The following KNTC1 variants were observed in gnomAD, a reference collection of about 807,000 sequenced individuals.
KNTC1 encodes the protein kinetochore associated 1, also known as kinetochore-associated protein 1.
A neutral mutation model predicts 314.4 loss-of-function variants in KNTC1; 253 were observed. The observed-to-expected ratio is 0.80, with a 90% CI of 0.73 to 0.89. The LOEUF (loss-of-function observed/expected upper bound fraction) is 0.89. KNTC1 is among the 40% of genes least tolerant of loss of function. KNTC1 has a pLI of 0.00. For missense variants in KNTC1, 2,475 were observed against 2,572.9 expected (o/e 0.96, Z 0.82); for synonymous variants, 901 against 901.4 (o/e 1.00, Z 0.01).
intron 20 of KNTC1, among the ~76,000 whole-genome samples, chr12:122,566,246 C>CT (rs150492240): frequency 1.2e-3 from 171 of 139,186 alleles, no homozygotes; most frequent in South Asian, 3.5e-3. Context: ...CGGCCTAAAT[C>CT]TTTTTTTTTT....
intron 18 of KNTC1, among the ~76,000 whole-genome samples, chr12:122,559,995 C>T (rs1009657811): frequency 6.6e-6 from 1 of 152,176 alleles, no homozygotes; most frequent in Non-Finnish European, 1.5e-5. Context: ...TAAACACAGA[C>T]TTCCCATTTC....
At chr12:122,540,756 A>G (rs370831163) in intron 5 of KNTC1, among the ~76,000 whole-genome samples, 1 of 152,076 alleles carries the variant, frequency 6.6e-6, no homozygotes, top group East Asian at 1.9e-4. Flanking sequence ...TTTCTGGCAC[A>G]TGAAGTTTGT....
chr12:122,611,239 A>C, intron 53 of KNTC1: 3 of 234,996 alleles, frequency 1.3e-5, no homozygotes, highest in South Asian at 7.6e-5. Flanking sequence ...CCAAGGCCTA[A>C]TCTGGCTGCA....
intron 27 of KNTC1, 53 bp from the exon 28 acceptor site, chr12:122,575,490 C>T: frequency 8.3e-7 from 1 of 1,201,094 alleles, no homozygotes; most frequent in Non-Finnish European, 1.2e-6. Context: ...TGTTCACTTG[C>T]ATGCATCGTA....
intron 53 of KNTC1, among the ~76,000 whole-genome samples, chr12:122,612,305 A>G (rs1455002567): frequency 1.3e-5 from 2 of 151,384 alleles, no homozygotes; most frequent in East Asian, 1.9e-4. Context: ...ACCTCAGGTG[A>G]TCCACCCACC....
At chr12:122,598,174 T>C (rs1196638825) in intron 44 of KNTC1, among the ~76,000 whole-genome samples, 1 of 152,186 alleles carries the variant, frequency 6.6e-6, no homozygotes, top group African/African-American at 2.4e-5. Context: ...TTTGAATTTA[T>C]ATGAGCTAGA....
chr12:122,556,607 G>A (rs150682804), intron 16 of KNTC1, among the ~76,000 whole-genome samples: 115 of 151,596 alleles, frequency 7.6e-4, no homozygotes, highest in African/African-American at 2.7e-3. Context: ...CAGGTAGCTG[G>A]GATTACAGGC....
chr12:122,545,657 A>G (rs1012089896), intron 8 of KNTC1, among the ~76,000 whole-genome samples: 4 of 152,170 alleles, frequency 2.6e-5, no homozygotes, highest in African/African-American at 9.7e-5. Context: ...ACGCTCATTA[A>G]ATATTTATGT....
In KNTC1 at chr12:122,584,370, C is replaced by T. The variant is rs370952397; in HGVS notation, c.3356C>T (p.Pro1119Leu). The T allele has an allele frequency of 6.8e-6, 11 of 1,613,612 alleles. No individual in the cohort carries two copies. The highest frequency in any genetic ancestry group is 3.3e-5 in the Admixed American group (2 of 59,992). ...TGTCAGATGTTGGCTGATAATGTCC[C>T]AGTGACAGTGCCTGTGGGACTGAAT... ...KLCQMLADNVPVTVPVGLNLP... is the reference protein window; with the variant it reads ...KLCQMLADNVLVTVPVGLNLP... Residue 1119 changes from proline (P) to leucine (L), a missense_variant, in exon 35 of 64, where the codon CCA (proline) becomes CTA (leucine). Transcript: ENST00000333479.
chr12:122,607,006 C>T (rs1473636502), intron 51 of KNTC1, among the ~76,000 whole-genome samples: 3 of 152,134 alleles, frequency 2.0e-5, no homozygotes, highest in Non-Finnish European at 4.4e-5. Flanking sequence ...GCAGTTTTCT[C>T]CCCCAGGTCC....
chr12:122,546,645 G>C lies in KNTC1; in HGVS notation c.787G>C (p.Asp263His). The C allele has an allele frequency of 6.3e-7, 1 of 1,588,880 alleles. No individual in the cohort carries two copies. Among genetic ancestry groups the C allele is most frequent in the Non-Finnish European group, 8.6e-7 (1 of 1,163,738 alleles). The change falls in exon 10 of 64, where the codon GAC becomes CAC. Residue 263 changes from aspartate (D) to histidine (H), a missense_variant. Physicochemically the swap from Asp to His is moderately conservative, Grantham distance 81 (BLOSUM62 -1). Transcript: ENST00000333479. ...AGGTGCAAAGAAGTTCCAGCTGATAGACAATCTACTTTTTGTTCTTGATAC... is the reference window on the plus strand; with the variant it reads ...AGGTGCAAAGAAGTTCCAGCTGATACACAATCTACTTTTTGTTCTTGATAC... ...IKGAKKFQLI[D>H]NLLFVLDTDN...
rs556196831 is a variant in KNTC1 at position 122,536,874 on chromosome 12, G to A, written c.251-1465G>A. Among the ~76,000 whole-genome samples the A allele has an allele frequency of 1.5e-4, 23 of 152,270 alleles. 1 individual carries two copies. The South Asian group carries it at 4.6e-3, about 30-fold the overall frequency. On this transcript the variant is annotated intron_variant, in intron 3 of 63. Transcript: ENST00000333479. ...GTTGAAACTTTTACATAAGAACTTA[G>A]ACAACTGAAAAGGAAACAGAACACA...
In KNTC1 at chr12:122,562,652, T is replaced by C. The variant is rs977104396; in HGVS notation, c.1557T>C (p.His519=). 2 of 1,604,768 alleles carry C rather than the reference T, an allele frequency of 1.2e-6. No homozygotes were observed. The highest frequency in any genetic ancestry group is 4.5e-5 in the East Asian group (2 of 44,824). Residue 519 remains histidine (H), a synonymous_variant, in exon 20 of 64, where the codon CAT becomes CAC. Transcript: ENST00000333479. ...SDGLKEVLRA[H]AKLTTFYGAF... ...TTTTTCTTCAGGTGCTAAGAGCTCATGCAAAATTGACTACTTTTTATGGAG... is the reference window on the plus strand; with the variant it reads ...TTTTTCTTCAGGTGCTAAGAGCTCACGCAAAATTGACTACTTTTTATGGAG...
At chr12:122,606,309 C>T (rs183076139) in intron 51 of KNTC1, among the ~76,000 whole-genome samples, 19 of 149,356 alleles carry the variant, frequency 1.3e-4, no homozygotes, top group African/African-American at 3.0e-4. Flanking sequence ...CAACCTCTGC[C>T]GAGGTTCAAG....
At chr12:122,576,146 G>A (rs1035519306) in intron 29 of KNTC1, among the ~76,000 whole-genome samples, 9 of 152,164 alleles carry the variant, frequency 5.9e-5, no homozygotes, top group African/African-American at 2.2e-4. Flanking sequence ...CACAACCTCC[G>A]CCTTCTGGGT....
chr12:122,618,522 T>C lies in KNTC1; in HGVS notation c.6126T>C (p.Ser2042=). 1 of 1,612,054 alleles carries C rather than the reference T, an allele frequency of 6.2e-7. No individual in the cohort carries two copies. The highest frequency in any genetic ancestry group is 8.5e-7 in the Non-Finnish European group (1 of 1,179,690). ...PLSPDQLSDC[S]ESLIAVLECP... ...GTCCTGATCAGCTGTCAGATTGTTC[T>C]GAGAGTCTCATCGCTGTCCTCGAGT... The change falls in exon 59 of 64, where the codon TCT becomes TCC. Residue 2042 remains serine (S), a synonymous_variant. Transcript: ENST00000333479.
rs776265472 is a variant in KNTC1 at position 122,530,089 on chromosome 12, C to T, written c.26C>T (p.Thr9Ile). The T allele has an allele frequency of 6.2e-7, 1 of 1,613,646 alleles. No homozygotes were observed. The highest frequency in any genetic ancestry group is 8.5e-7 in the Non-Finnish European group (1 of 1,179,770). The change falls in exon 2 of 64, where the codon ACA (threonine) becomes ATA (isoleucine). Residue 9 changes from threonine (T) to isoleucine (I), a missense_variant. By Grantham distance (89) the Thr-to-Ile change is moderately conservative. Transcript: ENST00000333479. The stretch of plus-strand genomic sequence containing the variant: ...ATGTGGAATGATATTGAGCTGCTAA[C>T]AAATGATGATACCGGAAGTGGGTAC... MWNDIELL[T>I]NDDTGSGYLS...
intron 16 of KNTC1, among the ~76,000 whole-genome samples, chr12:122,554,076 A>AAAAAATATATATATATATAT (rs370146333): frequency 1.5e-3 from 159 of 108,986 alleles, no homozygotes; most frequent in African/African-American, 1.9e-3. Context: ...AAAAAAAAAA[A>AAAAAATATATATATATATAT]ATATATATAT....
At chr12:122,554,076 A>AAAAAATATATATATATATATATAT (rs370146333) in intron 16 of KNTC1, among the ~76,000 whole-genome samples, 12 of 109,044 alleles carry the variant, frequency 1.1e-4, no homozygotes, top group African/African-American at 3.9e-4. Context: ...AAAAAAAAAA[A>AAAAAATATATATATATATATATAT]ATATATATAT....
Sources: gnomAD v4.1 joint callset for allele counts (sites outside exome capture counted in the v4.1 genomes callset) on GRCh38, gnomAD v4.1.1 for gene constraint, MANE v1.5 for transcripts, NCBI Gene and HGNC (gene_info 2026-07-23, HGNC 2026-07-21) for gene names.